PPARGC1A: variants seen among roughly 807,000 people sequenced by gnomAD.
PPARGC1A encodes the protein peroxisome proliferator-activated receptor gamma coactivator 1-alpha.
Under a neutral mutation model 88.7 loss-of-function variants are expected in PPARGC1A, and 25 were observed. The observed-to-expected ratio is 0.28, with a 90% CI of 0.21 to 0.39. PPARGC1A has a LOEUF of 0.39. PPARGC1A is among the 10% of genes least tolerant of loss of function. The pLI is 1.00. For synonymous variants in PPARGC1A, 363 were observed against 355.6 expected, an observed-to-expected ratio of 1.02 and a Z score of -0.24; for missense variants, 880 against 968.7, an observed-to-expected ratio of 0.91 and a Z score of 1.22.
At chr4:24,217,014 A>T in the PPARGC1A span, among the ~76,000 whole-genome samples, 1 of 152,232 alleles carries the variant, frequency 6.6e-6, no homozygotes, top group South Asian at 2.1e-4. Context: ...CTATGTCTGC[A>T]TCTCACTTAC....
chr4:23,905,008 T>C (rs955365737), upstream of PPARGC1A, among the ~76,000 whole-genome samples: 1 of 152,102 alleles, frequency 6.6e-6, no homozygotes, highest in Non-Finnish European at 1.5e-5. Flanking sequence ...CCAAACTAGT[T>C]CTCCCTCGCA....
At chr4:24,163,342 C>A in the PPARGC1A span, among the ~76,000 whole-genome samples, 1 of 151,496 alleles carries the variant, frequency 6.6e-6, no homozygotes, top group Non-Finnish European at 1.5e-5. Flanking sequence ...AATTTCGTAC[C>A]ACTGCTGAAT....
At chr4:23,962,100 A>T in the PPARGC1A span, among the ~76,000 whole-genome samples, 3 of 151,834 alleles carry the variant, frequency 2.0e-5, no homozygotes, top group Admixed American at 2.0e-4. Flanking sequence ...CCCATCTTCC[A>T]TAACCCCTCT....
At chr4:23,809,695 T>A in intron 10 of PPARGC1A, among the ~76,000 whole-genome samples, 1 of 152,180 alleles carries the variant, frequency 6.6e-6, no homozygotes, top group Non-Finnish European at 1.5e-5. Flanking sequence ...AAAAGATAAA[T>A]GAAGTATTTT....
the PPARGC1A span, among the ~76,000 whole-genome samples, chr4:24,356,695 A>T: frequency 6.6e-6 from 1 of 152,180 alleles, no homozygotes; most frequent in Non-Finnish European, 1.5e-5. Context: ...ATCCTCTTTT[A>T]TCACAGTAAT....
the PPARGC1A span, among the ~76,000 whole-genome samples, chr4:24,039,561 G>A: frequency 6.6e-6 from 1 of 152,206 alleles, no homozygotes; most frequent in South Asian, 2.1e-4. Context: ...AATGCAAAGG[G>A]AGGTCTCAAA....
the PPARGC1A span, among the ~76,000 whole-genome samples, chr4:24,022,024 G>A: frequency 6.6e-5 from 10 of 152,166 alleles, no homozygotes; most frequent in African/African-American, 2.2e-4. Flanking sequence ...CAGGAGAGGC[G>A]AGGAGTGGCC....
At chr4:23,827,330 CA>C (rs1312538965) in intron 5 of PPARGC1A, among the ~76,000 whole-genome samples, 1 of 151,666 alleles carries the variant, frequency 6.6e-6, no homozygotes, top group African/African-American at 2.4e-5. Flanking sequence ...ATTGAATCAG[CA>C]GCAATAACAG....
the PPARGC1A span, among the ~76,000 whole-genome samples, chr4:24,084,065 T>A: frequency 1.3e-5 from 2 of 152,314 alleles, no homozygotes; most frequent in African/African-American, 4.8e-5. Flanking sequence ...AGCTGATCAG[T>A]GGGTAACCAG....
At chr4:23,895,618 T>G (rs1362060406) in intron 1 of PPARGC1A, among the ~76,000 whole-genome samples, 2 of 152,088 alleles carry the variant, frequency 1.3e-5, no homozygotes, top group African/African-American at 4.8e-5. Flanking sequence ...AAAACATCCT[T>G]AACCAAGACG....
chr4:24,033,695 G>A, the PPARGC1A span, among the ~76,000 whole-genome samples: 2 of 152,064 alleles, frequency 1.3e-5, no homozygotes, highest in Admixed American at 6.6e-5. Context: ...AAATGCCTTC[G>A]AGTGGATGAT....
chr4:23,989,694 T>C, the PPARGC1A span, among the ~76,000 whole-genome samples: 4 of 151,992 alleles, frequency 2.6e-5, no homozygotes, highest in Non-Finnish European at 5.9e-5. Flanking sequence ...AATGAGTGAA[T>C]AAATGAATGA....
the PPARGC1A span, among the ~76,000 whole-genome samples, chr4:24,212,570 C>T: frequency 6.6e-6 from 1 of 152,262 alleles, no homozygotes; most frequent in South Asian, 2.1e-4. Flanking sequence ...GGTATACTCT[C>T]AAAAATGGCA....
At chr4:24,425,177 T>C in the PPARGC1A span, among the ~76,000 whole-genome samples, 42 of 152,158 alleles carry the variant, frequency 2.8e-4, no homozygotes, top group Non-Finnish European at 5.3e-4. Flanking sequence ...CCCATCTGAT[T>C]TCTCTTATGG....
At chr4:24,344,795 T>C in the PPARGC1A span, among the ~76,000 whole-genome samples, 3 of 152,202 alleles carry the variant, frequency 2.0e-5, no homozygotes, top group South Asian at 6.2e-4. Context: ...TTGTTGCATT[T>C]GCTTTTGGGT....
chr4:24,295,098 T>G, the PPARGC1A span, among the ~76,000 whole-genome samples: 4 of 152,226 alleles, frequency 2.6e-5, no homozygotes, highest in African/African-American at 7.2e-5. Context: ...GTTAGTGCCT[T>G]GAGAGTTGGG....
At chr4:24,080,855 C>T in the PPARGC1A span, among the ~76,000 whole-genome samples, 1 of 152,144 alleles carries the variant, frequency 6.6e-6, no homozygotes, top group South Asian at 2.1e-4. Flanking sequence ...CTCATGCTTG[C>T]CACATATTAG....
the PPARGC1A span, among the ~76,000 whole-genome samples, chr4:24,199,145 C>T: frequency 5.9e-5 from 9 of 152,180 alleles, no homozygotes; most frequent in African/African-American, 2.2e-4. Flanking sequence ...TACACGTAAG[C>T]TCAAGAACAG....
At chr4:24,289,371 G>C in the PPARGC1A span, among the ~76,000 whole-genome samples, 4 of 152,142 alleles carry the variant, frequency 2.6e-5, no homozygotes, top group African/African-American at 9.7e-5. Flanking sequence ...TCTCAGGGGA[G>C]AGCTGAACCT....
Sources: allele counts gnomAD v4.1 joint callset (sites outside exome capture counted in the v4.1 genomes callset), GRCh38; gene constraint gnomAD v4.1.1; transcripts MANE v1.5; gene names NCBI Gene and HGNC (gene_info 2026-07-23, HGNC 2026-07-21).